The following EYS variants were observed in gnomAD, a reference collection of about 807,000 sequenced individuals.
EYS encodes protein eyes shut homolog.
In EYS, 250 loss-of-function variants were observed where a neutral mutation model predicts 282.1. That is an observed-to-expected ratio of 0.89 (90% CI 0.80 to 0.98). EYS has a LOEUF of 0.98. EYS is among the 50% of genes least tolerant of loss of function. EYS has a pLI of 0.00. For missense variants in EYS, 4,016 were observed against 3,709.0 expected, an observed-to-expected ratio of 1.08 and a Z score of -2.15; for synonymous variants, 1,355 against 1,282.9, an observed-to-expected ratio of 1.06 and a Z score of -1.20.
intron 2 of EYS, among the ~76,000 whole-genome samples, chr6:65,595,116 C>T (rs1253886768): frequency 6.6e-6 from 1 of 152,020 alleles, no homozygotes; most frequent in African/African-American, 2.4e-5. Context: ...GGCACATATA[C>T]ACCATGGAAT....
intron 24 of EYS, among the ~76,000 whole-genome samples, chr6:64,615,718 T>C (rs1021790038): frequency 2.0e-5 from 3 of 152,258 alleles, no homozygotes; most frequent in South Asian, 2.1e-4. Context: ...TATCTCATTG[T>C]AGCATTTCAC....
chr6:65,542,884 C>T (rs898217555), intron 2 of EYS, among the ~76,000 whole-genome samples: 1 of 152,090 alleles, frequency 6.6e-6, no homozygotes, highest in Non-Finnish European at 1.5e-5. Flanking sequence ...TGCACTGTTA[C>T]TTTGATAACA....
chr6:65,543,233 G>T (rs1258494069), intron 2 of EYS, among the ~76,000 whole-genome samples: 15 of 29,348 alleles, frequency 5.1e-4, no homozygotes, highest in African/African-American at 4.3e-3. Context: ...TGGCCAGGCT[G>T]GTCAGGATGA....
At chr6:63,811,511 T>C (rs1174849920) in intron 36 of EYS, among the ~76,000 whole-genome samples, 4 of 152,190 alleles carry the variant, frequency 2.6e-5, no homozygotes, top group African/African-American at 9.6e-5. Context: ...CTGCTCCTCA[T>C]TCTCCTTTTC....
intron 29 of EYS, among the ~76,000 whole-genome samples, chr6:64,340,794 G>A (rs1156595804): frequency 3.3e-5 from 5 of 151,824 alleles, no homozygotes; most frequent in Non-Finnish European, 7.4e-5. Context: ...CAGAATGGGA[G>A]AAAATATTTA....
intron 35 of EYS, among the ~76,000 whole-genome samples, chr6:63,959,070 G>T (rs1765944876): frequency 6.6e-6 from 1 of 152,118 alleles, no homozygotes; most frequent in Admixed American, 6.6e-5. Flanking sequence ...AATCATCATA[G>T]TGAACAGGCA....
At chr6:64,828,864 G>T (rs551813592) in intron 19 of EYS, among the ~76,000 whole-genome samples, 1 of 152,066 alleles carries the variant, frequency 6.6e-6, no homozygotes, top group Non-Finnish European at 1.5e-5. Context: ...GTCTGAGGTT[G>T]GTTCATGGAT....
Position 64,120,160 on chromosome 6 carries a change from G to A in EYS, c.6425-38158C>T, listed in dbSNP as rs575323227. Among the ~76,000 whole-genome samples the A allele has an allele frequency of 1.3e-4, 19 of 150,420 alleles. No homozygotes were observed. In the East Asian group the frequency reaches 2.4e-3, roughly 19 times the overall value. On this transcript the variant is annotated intron_variant, in intron 31 of 42. Transcript: ENST00000503581. ...CAGGAGATCGAGACCATCCTGGCTA[G>A]CACGGTGAAACCCTGTCTCTACTAA...
At chr6:63,727,122 A>G (rs76924942) in intron 41 of EYS, among the ~76,000 whole-genome samples, 1,831 of 152,220 alleles carry the variant, frequency 0.012, 37 homozygotes, top group African/African-American at 0.042. Context: ...AGTATAATTG[A>G]GTCAGGATAT....
chr6:64,073,370 CAT>C (rs911766767), intron 32 of EYS, among the ~76,000 whole-genome samples: 10 of 151,762 alleles, frequency 6.6e-5, no homozygotes, highest in African/African-American at 2.2e-4. Flanking sequence ...GAACAAAAGA[CAT>C]ATCACTTGAT....
intron 12 of EYS, among the ~76,000 whole-genome samples, chr6:65,282,576 C>G (rs1039956567): frequency 1.3e-5 from 2 of 151,872 alleles, no homozygotes; most frequent in African/African-American, 4.8e-5. Context: ...GATTATAGAA[C>G]AGAAAACTTT....
At chr6:64,161,235 G>A (rs569980028) in intron 31 of EYS, among the ~76,000 whole-genome samples, 4 of 152,234 alleles carry the variant, frequency 2.6e-5, no homozygotes, top group African/African-American at 4.8e-5. Context: ...TTGTACTGCT[G>A]GGTGAGGTGA....
At chr6:64,073,563 T>C (rs182467001) in intron 32 of EYS, among the ~76,000 whole-genome samples, 33 of 151,898 alleles carry the variant, frequency 2.2e-4, no homozygotes, top group Middle Eastern at 3.4e-3. Flanking sequence ...GAAAAGTTAG[T>C]GGCAATTAGG....
intron 22 of EYS, among the ~76,000 whole-genome samples, chr6:64,802,403 GA>G (rs1764274777): frequency 6.6e-6 from 1 of 151,972 alleles, no homozygotes. Flanking sequence ...CAAGGTTTTT[GA>G]GCGTGTAATT....
intron 35 of EYS, among the ~76,000 whole-genome samples, chr6:63,944,821 C>G (rs995933032): frequency 1.3e-5 from 2 of 151,988 alleles, no homozygotes; most frequent in South Asian, 4.2e-4. Context: ...GTAATTCCAG[C>G]TACTAGGGAG....
chr6:64,011,057 G>C (rs1290561672), intron 33 of EYS, among the ~76,000 whole-genome samples: 2 of 151,832 alleles, frequency 1.3e-5, no homozygotes, highest in African/African-American at 2.4e-5. Flanking sequence ...TGAGCAAATA[G>C]TTTTAGTTCC....
chr6:63,889,532 G>A (rs1773354607), intron 35 of EYS, among the ~76,000 whole-genome samples: 1 of 152,166 alleles, frequency 6.6e-6, no homozygotes, highest in Admixed American at 6.5e-5. Flanking sequence ...TGCTTCATAA[G>A]TGAAGGAGAA....
chr6:64,402,804 C>G (rs1001023142), intron 28 of EYS, among the ~76,000 whole-genome samples: 2 of 152,064 alleles, frequency 1.3e-5, no homozygotes, highest in Admixed American at 6.6e-5. Flanking sequence ...TCTTAAGAAC[C>G]GTGTAAATAG....
chr6:63,840,669 A>G (rs755760321), intron 36 of EYS, among the ~76,000 whole-genome samples: 2 of 152,094 alleles, frequency 1.3e-5, no homozygotes, highest in Non-Finnish European at 2.9e-5. Context: ...TTAGAGTTTC[A>G]GGTCTTAAAT....
Sources: gnomAD v4.1 joint callset for allele counts (sites outside exome capture counted in the v4.1 genomes callset) on GRCh38, gnomAD v4.1.1 for gene constraint, MANE v1.5 for transcripts, NCBI Gene and HGNC (gene_info 2026-07-23, HGNC 2026-07-21) for gene names.